Variants in NRXN3 observed in about 807,000 individuals in gnomAD.
NRXN3 encodes neurexin 3.
NRXN3 carries 32 observed loss-of-function variants against 137.6 expected under a neutral mutation model. That is an observed-to-expected ratio of 0.23 (90% confidence interval 0.18 to 0.31). The LOEUF (loss-of-function observed/expected upper bound fraction) is 0.31. Ranked by LOEUF, NRXN3 falls within the 10% of genes least tolerant of loss-of-function variation. NRXN3 has a pLI of 1.00. For missense variants in NRXN3, 1,574 were observed against 2,062.5 expected, an observed-to-expected ratio of 0.76 and a Z score of 4.59; for synonymous variants, 798 against 784.5, an observed-to-expected ratio of 1.02 and a Z score of -0.29.
chr14:78,397,851 G>T (rs2091638434), intron 4 of NRXN3, among the ~76,000 whole-genome samples: 1 of 151,394 alleles, frequency 6.6e-6, no homozygotes, highest in African/African-American at 2.4e-5. Flanking sequence ...TGATCTGCCT[G>T]CCTTGGCCCC....
chr14:78,979,502 A>G, intron 14 of NRXN3, among the ~76,000 whole-genome samples: 1 of 152,012 alleles, frequency 6.6e-6, no homozygotes, highest in Non-Finnish European at 1.5e-5. Context: ...CTTCCACCCA[A>G]CTACTGTTCA....
At chr14:79,151,108 GT>G (rs2059760493) in intron 15 of NRXN3, among the ~76,000 whole-genome samples, 1 of 152,018 alleles carries the variant, frequency 6.6e-6, no homozygotes, top group African/African-American at 2.4e-5. Context: ...ATTAAAAATT[GT>G]ATCACAAAGG....
At chr14:78,810,964 C>T (rs2098909277) in intron 10 of NRXN3, among the ~76,000 whole-genome samples, 1 of 152,128 alleles carries the variant, frequency 6.6e-6, no homozygotes. Flanking sequence ...AAGAAGGGTC[C>T]TAACAAGGCA....
At chr14:79,252,646 T>A in intron 15 of NRXN3, among the ~76,000 whole-genome samples, 1 of 152,084 alleles carries the variant, frequency 6.6e-6, no homozygotes, top group East Asian at 1.9e-4. Flanking sequence ...TTAACAGGAT[T>A]TCAGAGGGTG....
intron 8 of NRXN3, among the ~76,000 whole-genome samples, chr14:78,786,588 G>A (rs931949504): frequency 3.3e-5 from 5 of 152,116 alleles, no homozygotes; most frequent in East Asian, 1.9e-4. Flanking sequence ...TGTATGTAAC[G>A]TCTGGCTCTG....
chr14:78,865,074 C>G (rs1430108326), intron 10 of NRXN3, among the ~76,000 whole-genome samples: 1 of 152,070 alleles, frequency 6.6e-6, no homozygotes, highest in Non-Finnish European at 1.5e-5. Flanking sequence ...CCATCAGGTA[C>G]TTGACATTTC....
intron 16 of NRXN3, among the ~76,000 whole-genome samples, chr14:79,587,355 T>A (rs2097771374): frequency 6.6e-6 from 1 of 152,202 alleles, no homozygotes; most frequent in Non-Finnish European, 1.5e-5. Flanking sequence ...CACTGTGAGA[T>A]CTTTGTCGTT....
At chr14:78,672,288 T>C (rs1466768466) in intron 6 of NRXN3, among the ~76,000 whole-genome samples, 1 of 152,168 alleles carries the variant, frequency 6.6e-6, no homozygotes, top group Non-Finnish European at 1.5e-5. Flanking sequence ...GAAGAACAAA[T>C]GCAAGTGATG....
intron 16 of NRXN3, among the ~76,000 whole-genome samples, chr14:79,649,017 C>G (rs996503150): frequency 6.6e-6 from 1 of 152,156 alleles, no homozygotes; most frequent in Non-Finnish European, 1.5e-5. Flanking sequence ...ATTTGGGAAG[C>G]ATTTTTCTGT....
chr14:78,554,206 C>A (rs1468354469), intron 4 of NRXN3, among the ~76,000 whole-genome samples: 1 of 152,172 alleles, frequency 6.6e-6, no homozygotes, highest in East Asian at 1.9e-4. Context: ...AGGAGGATGA[C>A]TGAGGTGAGC....
At chr14:79,181,494 C>A (rs57561636) in intron 15 of NRXN3, among the ~76,000 whole-genome samples, 7,365 of 151,822 alleles carry the variant, frequency 0.049, 623 homozygotes, top group African/African-American at 0.17. Flanking sequence ...ACAAGCCTGG[C>A]CAACATGATG....
At chr14:78,179,842 G>GTTTTTTTTTTTTTTTT in intron 1 of NRXN3, among the ~76,000 whole-genome samples, 1 of 109,154 alleles carries the variant, frequency 9.2e-6, no homozygotes, top group Non-Finnish European at 1.9e-5. Flanking sequence ...CTGTTTTTTT[G>GTTTTTTTTTTTTTTTT]TTTTTTTTTT....
At chr14:79,763,690 T>TATG (rs2099046681) in intron 19 of NRXN3, among the ~76,000 whole-genome samples, 2 of 151,572 alleles carry the variant, frequency 1.3e-5, no homozygotes, top group Non-Finnish European at 2.9e-5. Context: ...GACTTCCAGT[T>TATG]ATGTCCTTAC....
At chr14:78,479,883 G>A (rs751153246) in intron 4 of NRXN3, among the ~76,000 whole-genome samples, 2 of 152,200 alleles carry the variant, frequency 1.3e-5, no homozygotes, top group East Asian at 1.9e-4. Context: ...GGTGGTTCAC[G>A]CCTGTAATCC....
intron 19 of NRXN3, among the ~76,000 whole-genome samples, chr14:79,777,600 G>T (rs2140006967): frequency 6.6e-6 from 1 of 152,044 alleles, no homozygotes; most frequent in South Asian, 2.1e-4. Flanking sequence ...ATGAAGAGAT[G>T]GATGGATGGA....
intron 16 of NRXN3, among the ~76,000 whole-genome samples, chr14:79,615,853 C>A (rs2098148709): frequency 6.6e-6 from 1 of 152,132 alleles, no homozygotes; most frequent in African/African-American, 2.4e-5. Context: ...GGTGGGGACA[C>A]AGCCAAATCA....
At chr14:78,798,336 G>C (rs1368888499) in intron 8 of NRXN3, among the ~76,000 whole-genome samples, 1 of 152,140 alleles carries the variant, frequency 6.6e-6, no homozygotes, top group African/African-American at 2.4e-5. Flanking sequence ...CAGTAAGTCG[G>C]TCATTAAACC....
At chr14:78,227,114 G>T (rs1235523693) in intron 1 of NRXN3, among the ~76,000 whole-genome samples, 2 of 152,182 alleles carry the variant, frequency 1.3e-5, no homozygotes, top group Non-Finnish European at 2.9e-5. Flanking sequence ...ATTAATGATT[G>T]ATTAGTGAAG....
intron 4 of NRXN3, among the ~76,000 whole-genome samples, chr14:78,622,838 T>C (rs2097419767): frequency 1.3e-5 from 2 of 152,252 alleles, no homozygotes; most frequent in African/African-American, 2.4e-5. Flanking sequence ...GCAGAAGCTT[T>C]ATCTTAAAAG....
Sources: gnomAD v4.1 joint callset for allele counts (sites outside exome capture counted in the v4.1 genomes callset) on GRCh38, gnomAD v4.1.1 for gene constraint, MANE v1.5 for transcripts, NCBI Gene and HGNC (gene_info 2026-07-23, HGNC 2026-07-21) for gene names.